INPP4B: variants seen among roughly 807,000 people sequenced by gnomAD.
The protein encoded by INPP4B is inositol polyphosphate 4-phosphatase type II.
INPP4B carries 55 observed loss-of-function variants against 122.5 expected under a neutral mutation model. The ratio of observed to expected loss-of-function variants is 0.45; its 90% CI spans 0.36 to 0.56. INPP4B has a LOEUF of 0.56. INPP4B is among the 20% of genes least tolerant of loss of function. The probability of loss-of-function intolerance (pLI) is 0.00; values close to 1 mark genes in which losing one functional copy is unlikely to be tolerated. For synonymous variants in INPP4B, 403 were observed against 388.7 expected (o/e 1.04, Z -0.43); for missense variants, 1,000 against 1,097.7 (o/e 0.91, Z 1.26).
intron 1 of INPP4B, among the ~76,000 whole-genome samples, chr4:142,742,784 C>G (rs1055126607): frequency 6.6e-6 from 1 of 151,716 alleles, no homozygotes; most frequent in Non-Finnish European, 1.5e-5. Flanking sequence ...TAAACTTAAT[C>G]AACAATAACT....
chr4:142,472,506 A>C (rs1298394636), intron 2 of INPP4B, among the ~76,000 whole-genome samples: 1 of 152,190 alleles, frequency 6.6e-6, no homozygotes, highest in African/African-American at 2.4e-5. Flanking sequence ...TTAATACTGA[A>C]AAAGAAAATA....
At chr4:142,449,955 T>C (rs919355441) in intron 3 of INPP4B, among the ~76,000 whole-genome samples, 20 of 152,182 alleles carry the variant, frequency 1.3e-4, no homozygotes, top group African/African-American at 4.3e-4. Flanking sequence ...AATTGGTTCA[T>C]GTCCTACCAT....
At chr4:142,258,524 C>T (rs1356866308) in intron 11 of INPP4B, among the ~76,000 whole-genome samples, 3 of 152,046 alleles carry the variant, frequency 2.0e-5, no homozygotes, top group African/African-American at 7.2e-5. Context: ...ACAAACAACC[C>T]CATCAAAAAG....
intron 21 of INPP4B, among the ~76,000 whole-genome samples, chr4:142,117,909 A>C (rs564915697): frequency 6.6e-6 from 1 of 152,332 alleles, no homozygotes; most frequent in South Asian, 2.1e-4. Flanking sequence ...GTCTAAGCCC[A>C]AAATTTCCTT....
intron 2 of INPP4B, among the ~76,000 whole-genome samples, chr4:142,476,052 A>C (rs1305390528): frequency 6.6e-6 from 1 of 152,202 alleles, no homozygotes; most frequent in African/African-American, 2.4e-5. Context: ...CAGATTCTTC[A>C]ATGTTGAAAT....
intron 2 of INPP4B, among the ~76,000 whole-genome samples, chr4:142,602,254 C>T (rs1740171471): frequency 1.3e-5 from 2 of 151,900 alleles, no homozygotes; most frequent in African/African-American, 2.4e-5. Flanking sequence ...TGATAAAATA[C>T]CTAGGGATAC....
At chr4:142,503,845 A>C (rs1251840750) in intron 2 of INPP4B, among the ~76,000 whole-genome samples, 1 of 152,150 alleles carries the variant, frequency 6.6e-6, no homozygotes, top group Admixed American at 6.5e-5. Context: ...GCTATATAAG[A>C]TCAGTAGAGA....
At chr4:142,073,514 G>A (rs1203024672) in intron 25 of INPP4B, among the ~76,000 whole-genome samples, 1 of 152,098 alleles carries the variant, frequency 6.6e-6, no homozygotes, top group Non-Finnish European at 1.5e-5. Flanking sequence ...AAGGGTTGAA[G>A]CCATTTTATG....
chr4:142,251,024 C>T (rs531015894), intron 11 of INPP4B, among the ~76,000 whole-genome samples: 1 of 152,126 alleles, frequency 6.6e-6, no homozygotes, highest in Non-Finnish European at 1.5e-5. Context: ...ATTAGTATGG[C>T]TTCCAACACT....
At chr4:142,539,185 C>T (rs2150023453) in intron 2 of INPP4B, among the ~76,000 whole-genome samples, 1 of 150,214 alleles carries the variant, frequency 6.7e-6, no homozygotes, top group African/African-American at 2.4e-5. Flanking sequence ...TGCCAGATAC[C>T]TGAGTGTCTG....
rs78954915 is a variant in INPP4B, at chr4:142,447,095, G to T, written c.-127+15568C>A. On this transcript the variant is annotated intron_variant, in intron 3 of 25. Coordinates refer to ENST00000262992, the MANE Select transcript of INPP4B (RefSeq NM_001101669.3). ...AAAGAGGCAGAGTCATGTGTTGAGAGGAAATTCTGAAGCAGTGCGGTAGGA... is the reference window on the plus strand; with the variant it reads ...AAAGAGGCAGAGTCATGTGTTGAGATGAAATTCTGAAGCAGTGCGGTAGGA... 3.7e-4 allele frequency among the ~76,000 whole-genome samples: 57 copies of T among 152,292 alleles called. 1 individual carries two copies. Among genetic ancestry groups the T allele is most frequent in the African/African-American group, 1.2e-3 (51 of 41,560 alleles).
At chr4:142,463,656 G>T (rs1036804739) in intron 2 of INPP4B, among the ~76,000 whole-genome samples, 2 of 152,092 alleles carry the variant, frequency 1.3e-5, no homozygotes, top group Admixed American at 6.6e-5. Context: ...GTTGTGAGAG[G>T]GACCTGGTGG....
chr4:142,414,814 G>A (rs544014940), intron 5 of INPP4B, among the ~76,000 whole-genome samples: 2 of 152,272 alleles, frequency 1.3e-5, no homozygotes, highest in African/African-American at 4.8e-5. Flanking sequence ...ATTCAGACTT[G>A]GCTCTTTTTG....
In INPP4B at chr4:142,326,893, C is replaced by T. The variant is rs181286784; in HGVS notation, c.373-12131G>A. ...TTTTACAGATGAGAAAACTGGGTTT[C>T]AGGAACCTGGGATAATTTGCCCAGG... On this transcript the variant is annotated intron_variant, in intron 7 of 25. Transcript: ENST00000262992. 3.3e-3 allele frequency among the ~76,000 whole-genome samples: 497 copies of T among 152,246 alleles called. 4 individuals carry two copies. The highest frequency in any genetic ancestry group is 2.7e-3 in the Non-Finnish European group (184 of 68,026).
At position 142,750,392 on chromosome 4, in the gene INPP4B, T is replaced by G. The variant is rs1050861538; in HGVS notation, c.-253-24491A>C. On this transcript the variant is annotated intron_variant, in intron 1 of 25. Transcript: ENST00000262992. ...TGAAAGTAATAAAAAATGACCAAAC[T>G]GCCCCATGAAAGAGGAATGATTAAA... Among the ~76,000 whole-genome samples the G allele has an allele frequency of 3.9e-5, 6 of 152,028 alleles. No homozygotes were observed. In the South Asian group the frequency reaches 1.2e-3, roughly 32 times the overall value.
intron 1 of INPP4B, among the ~76,000 whole-genome samples, chr4:142,782,132 C>T (rs1258937079): frequency 3.9e-5 from 6 of 152,008 alleles, no homozygotes; most frequent in Admixed American, 2.0e-4. Flanking sequence ...TCCCTCCCCC[C>T]TTCCCACACC....
intron 1 of INPP4B, among the ~76,000 whole-genome samples, chr4:142,767,150 C>G (rs1002060245): frequency 6.6e-6 from 1 of 152,092 alleles, no homozygotes; most frequent in African/African-American, 2.4e-5. Flanking sequence ...AAAAATGGAG[C>G]TTTTGAAAGT....
intron 9 of INPP4B, among the ~76,000 whole-genome samples, chr4:142,292,696 T>C (rs1055639606): frequency 6.6e-6 from 1 of 152,214 alleles, no homozygotes; most frequent in African/African-American, 2.4e-5. Flanking sequence ...ACCATGTTTA[T>C]TATGATACCT....
chr4:142,737,214 C>T (rs899575729), intron 1 of INPP4B, among the ~76,000 whole-genome samples: 1 of 152,140 alleles, frequency 6.6e-6, no homozygotes, highest in Non-Finnish European at 1.5e-5. Flanking sequence ...TCAAACTATA[C>T]TACAAGGCTA....
Sources: allele counts gnomAD v4.1 joint callset (sites outside exome capture counted in the v4.1 genomes callset), GRCh38; gene constraint gnomAD v4.1.1; transcripts MANE v1.5; gene names NCBI Gene and HGNC (gene_info 2026-07-23, HGNC 2026-07-21).